Variants in SOX5 observed in about 807,000 individuals in gnomAD.
The protein encoded by SOX5 is SRY-box transcription factor 5.
In SOX5, 9 loss-of-function variants were observed where a neutral mutation model predicts 92.0. That is an observed-to-expected ratio of 0.10 (90% confidence interval 0.06 to 0.17). SOX5 has a LOEUF of 0.17. SOX5 is among the 10% of genes least tolerant of loss of function. The pLI is 1.00. For synonymous variants in SOX5, 344 were observed against 336.3 expected, an observed-to-expected ratio of 1.02 and a Z score of -0.25; for missense variants, 642 against 944.5, an observed-to-expected ratio of 0.68 and a Z score of 4.20.
chr12:24,112,521 C>CTTTTT (rs139323766), intron 4 of SOX5, among the ~76,000 whole-genome samples: 5 of 75,666 alleles, frequency 6.6e-5, no homozygotes, highest in Admixed American at 1.9e-4. Context: ...TTCAAGGTTC[C>CTTTTT]TTTTTTTTTT....
At chr12:24,257,842 A>T (rs1345439927) in intron 3 of SOX5, among the ~76,000 whole-genome samples, 3 of 152,076 alleles carry the variant, frequency 2.0e-5, no homozygotes, top group Non-Finnish European at 4.4e-5. Flanking sequence ...TTAATTGTAC[A>T]ACTAGTGCCT....
chr12:24,416,714 G>C (rs79755858), intron 1 of SOX5, among the ~76,000 whole-genome samples: 1 of 152,190 alleles, frequency 6.6e-6, no homozygotes. Flanking sequence ...TACTTTGAGC[G>C]ATGATAGTCA....
chr12:23,794,262 T>C (rs1039727214), intron 3 of SOX5, among the ~76,000 whole-genome samples: 11 of 152,112 alleles, frequency 7.2e-5, no homozygotes, highest in Non-Finnish European at 1.5e-4. Flanking sequence ...CTAATACTTA[T>C]TTACTTAAAT....
intron 1 of SOX5, among the ~76,000 whole-genome samples, chr12:24,434,004 C>T (rs1002164463): frequency 6.6e-6 from 1 of 152,100 alleles, no homozygotes; most frequent in African/African-American, 2.4e-5. Context: ...AGGAAGAATG[C>T]TCAGGTAAGC....
intron 1 of SOX5, among the ~76,000 whole-genome samples, chr12:23,915,858 G>A (rs547328067): frequency 6.6e-6 from 1 of 152,230 alleles, no homozygotes; most frequent in South Asian, 2.1e-4. Context: ...CTATGTGCAG[G>A]ACTTAAGACT....
At chr12:23,778,487 A>C (rs753163040) in intron 3 of SOX5, among the ~76,000 whole-genome samples, 2 of 152,198 alleles carry the variant, frequency 1.3e-5, no homozygotes, top group Non-Finnish European at 2.9e-5. Context: ...AAGCCAAAAG[A>C]AGTTTGATAT....
intron 2 of SOX5, among the ~76,000 whole-genome samples, chr12:24,332,417 T>G (rs1474096227): frequency 6.6e-6 from 1 of 152,166 alleles, no homozygotes; most frequent in Non-Finnish European, 1.5e-5. Flanking sequence ...AGGCAATATC[T>G]GAGAAGGTTT....
chr12:23,981,763 A>G (rs576587742), intron 4 of SOX5, among the ~76,000 whole-genome samples: 7 of 149,700 alleles, frequency 4.7e-5, no homozygotes, highest in Non-Finnish European at 1.0e-4. Flanking sequence ...CTGTTATCAA[A>G]TTAATTAATT....
At chr12:24,095,420 CTTATTTATTTATTTATTTAT>C (rs146858914) in intron 4 of SOX5, among the ~76,000 whole-genome samples, 8 of 140,216 alleles carry the variant, frequency 5.7e-5, no homozygotes, top group South Asian at 2.3e-4. Context: ...TGCCCTCTCC[CTTATTTATTTATTTATTTAT>C]TTATTTATTT....
chr12:23,557,810 C>A (rs537430312), intron 11 of SOX5, among the ~76,000 whole-genome samples: 1 of 152,006 alleles, frequency 6.6e-6, no homozygotes, highest in African/African-American at 2.4e-5. Context: ...CTTGCCTCTA[C>A]TGAAAATACA....
intron 4 of SOX5, among the ~76,000 whole-genome samples, chr12:23,744,005 T>G (rs577771719): frequency 6.6e-6 from 1 of 152,352 alleles, no homozygotes; most frequent in Admixed American, 6.5e-5. Context: ...ACAAAATTTC[T>G]AATTTTATAG....
At chr12:23,806,783 C>A (rs1177769850) in intron 3 of SOX5, among the ~76,000 whole-genome samples, 1 of 150,824 alleles carries the variant, frequency 6.6e-6, no homozygotes, top group Non-Finnish European at 1.5e-5. Flanking sequence ...AATGAAACAT[C>A]TATAAACCCT....
At chr12:24,344,813 T>A (rs1204610202) in intron 2 of SOX5, among the ~76,000 whole-genome samples, 1 of 152,140 alleles carries the variant, frequency 6.6e-6, no homozygotes, top group Non-Finnish European at 1.5e-5. Flanking sequence ...CTTGGGAGGA[T>A]GTTGATTTTG....
intron 4 of SOX5, among the ~76,000 whole-genome samples, chr12:24,115,291 T>A (rs890208509): frequency 4.6e-5 from 7 of 152,246 alleles, no homozygotes; most frequent in South Asian, 4.1e-4. Flanking sequence ...AGTCTTGATG[T>A]ATCTTTGTGA....
At chr12:24,351,325 G>A (rs1007185850) in intron 2 of SOX5, among the ~76,000 whole-genome samples, 1 of 152,062 alleles carries the variant, frequency 6.6e-6, no homozygotes, top group Non-Finnish European at 1.5e-5. Context: ...TGTATTCCCA[G>A]CCTAGCAAAA....
chr12:23,878,072 G>A (rs7309072), intron 2 of SOX5, among the ~76,000 whole-genome samples: 28,752 of 151,580 alleles, frequency 0.19, 3,700 homozygotes, highest in East Asian at 0.64. Flanking sequence ...TAAAGTTATC[G>A]CTATTAGAAC....
At chr12:23,574,918 C>T (rs41369145) in intron 10 of SOX5, among the ~76,000 whole-genome samples, 10,510 of 152,208 alleles carry the variant, frequency 0.069, 516 homozygotes, top group South Asian at 0.11. Context: ...TGCAACAGCG[C>T]TTATTATAGC....
In SOX5 at chr12:23,895,827, C is replaced by T; in HGVS notation, c.236G>A (p.Gly79Asp). 2 of 1,613,928 alleles carry T rather than the reference C, an allele frequency of 1.2e-6. No homozygotes were observed. Among genetic ancestry groups the T allele is most frequent in the South Asian group, 1.1e-5 (1 of 91,082 alleles). Residue 79 changes from glycine to aspartate, a missense_variant, in exon 2 of 15, where the codon GGC (glycine) becomes GAC (aspartate). Coordinates refer to ENST00000451604, the MANE Select transcript of SOX5 (RefSeq NM_006940.6). ...PVSLLTQETC[G>D]HRTPTSQHNT... is the part of the protein sequence containing the mutation. Reference sequence around the variant, plus strand: ...GTGCTGAGAAGTGGGAGTCCTATGGCCACAAGTCTCTTGCGTCAGCAGAGA... The same window carrying T: ...GTGCTGAGAAGTGGGAGTCCTATGGTCACAAGTCTCTTGCGTCAGCAGAGA...
chr12:24,159,596 T>G (rs569581953), intron 4 of SOX5, among the ~76,000 whole-genome samples: 82 of 152,088 alleles, frequency 5.4e-4, no homozygotes, highest in Non-Finnish European at 1.0e-3. Context: ...TCACCCAGCA[T>G]CTCATTAACT....
Sources: allele counts gnomAD v4.1 joint callset (sites outside exome capture counted in the v4.1 genomes callset), GRCh38; gene constraint gnomAD v4.1.1; transcripts MANE v1.5; gene names NCBI Gene and HGNC (gene_info 2026-07-23, HGNC 2026-07-21).